Variants in ADAD1 observed in about 807,000 individuals in gnomAD.
ADAD1 encodes adenosine deaminase domain containing 1.
In ADAD1, 46 loss-of-function variants were observed where a neutral mutation model predicts 66.8. The observed-to-expected ratio is 0.69, with a 90% CI of 0.54 to 0.88. The LOEUF is 0.88. Ranked by LOEUF, ADAD1 falls within the 40% of genes least tolerant of loss-of-function variation. The pLI is 0.00. For synonymous variants in ADAD1, 248 were observed against 229.4 expected, an observed-to-expected ratio of 1.08 and a Z score of -0.73; for missense variants, 617 against 681.8, an observed-to-expected ratio of 0.91 and a Z score of 1.06.
intron 11 of ADAD1, among the ~76,000 whole-genome samples, chr4:122,416,398 T>C (rs999340336): frequency 6.6e-6 from 1 of 152,220 alleles, no homozygotes; most frequent in African/African-American, 2.4e-5. Context: ...AAAATTGCTT[T>C]CTTTGTGAAG....
chr4:122,418,242 T>C (rs987326377), intron 11 of ADAD1, among the ~76,000 whole-genome samples: 4 of 151,682 alleles, frequency 2.6e-5, no homozygotes, highest in African/African-American at 4.8e-5. Context: ...AATGGATAAA[T>C]TTCTAGGAAA....
intron 10 of ADAD1, among the ~76,000 whole-genome samples, chr4:122,413,067 A>C (rs918361460): frequency 6.6e-6 from 1 of 152,116 alleles, no homozygotes; most frequent in Non-Finnish European, 1.5e-5. Context: ...TGGATAAGGA[A>C]ATTCCAGAGA....
chr4:122,417,936 T>C (rs544016090), intron 11 of ADAD1, among the ~76,000 whole-genome samples: 1 of 152,088 alleles, frequency 6.6e-6, no homozygotes, highest in South Asian at 2.1e-4. Context: ...ATTTAGAAAA[T>C]AGGGATATTG....
At position 122,396,259 on chromosome 4, in the gene ADAD1, A is replaced by G; in HGVS notation, c.606A>G (p.Arg202=). 1.3e-6 allele frequency: 2 copies of G among 1,585,454 alleles called. No individual in the cohort carries two copies. Among genetic ancestry groups the G allele is most frequent in the Non-Finnish European group, 1.7e-6 (2 of 1,168,618 alleles). Residue 202 remains arginine (R), a synonymous_variant, in exon 7 of 13, where the codon AGA becomes AGG. Transcript: ENST00000296513. ...GTTTTGATTTTTTTCTAGAAGGGAGACATATTCAATATGCAAAGATTTCAC... is the reference window on the plus strand; with the variant it reads ...GTTTTGATTTTTTTCTAGAAGGGAGGCATATTCAATATGCAAAGATTTCAC... ...AYVSKVHYEG[R]HIQYAKISQI...
chr4:122,391,041 G>A (rs997811903), intron 5 of ADAD1, among the ~76,000 whole-genome samples: 11 of 152,164 alleles, frequency 7.2e-5, no homozygotes, highest in African/African-American at 2.4e-4. Flanking sequence ...TAGGGTTTTT[G>A]TGGGGAGCTT....
chr4:122,380,419 C>G (rs560917776), intron 3 of ADAD1, 178 bp downstream of exon 3: 3 of 689,098 alleles, frequency 4.4e-6, no homozygotes, highest in African/African-American at 3.6e-5. Context: ...AGCTCTTTAC[C>G]TGTGCCGCTC....
At chr4:122,408,110 A>G in intron 8 of ADAD1, 79 bp downstream of exon 8, 2 of 1,420,630 alleles carry the variant, frequency 1.4e-6, no homozygotes, top group Non-Finnish European at 1.9e-6. Context: ...GTCTTCATTT[A>G]CAAATGGAAT....
At chr4:122,402,967 C>A (rs916833361) in intron 7 of ADAD1, among the ~76,000 whole-genome samples, 2 of 152,146 alleles carry the variant, frequency 1.3e-5, no homozygotes, top group Admixed American at 1.3e-4. Context: ...GCTTAATAAT[C>A]TTCTGAATTC....
At chr4:122,391,865 A>G (rs996671617) in intron 5 of ADAD1, among the ~76,000 whole-genome samples, 4 of 152,234 alleles carry the variant, frequency 2.6e-5, no homozygotes, top group Middle Eastern at 3.4e-3. Context: ...GCGCGCCACC[A>G]TGCCCAGCTG....
intron 4 of ADAD1, among the ~76,000 whole-genome samples, 191 bp from the exon 5 acceptor site, chr4:122,383,608 C>T (rs1313752000): frequency 6.6e-6 from 1 of 152,128 alleles, no homozygotes; most frequent in African/African-American, 2.4e-5. Context: ...TGCTTGAATC[C>T]TCAGAGTTAG....
intron 8 of ADAD1, among the ~76,000 whole-genome samples, chr4:122,408,366 T>A (rs1489546843): frequency 3.3e-5 from 5 of 152,274 alleles, no homozygotes; most frequent in Admixed American, 2.0e-4. Flanking sequence ...ACCTCTGGCT[T>A]CCAGGTCCAA....
At chr4:122,391,141 G>T (rs189197007) in intron 5 of ADAD1, among the ~76,000 whole-genome samples, 1 of 152,120 alleles carries the variant, frequency 6.6e-6, no homozygotes, top group South Asian at 2.1e-4. Context: ...GCTGCAGTCT[G>T]TTGGGGTTCA....
chr4:122,425,002 A>G (rs145468644), intron 12 of ADAD1, among the ~76,000 whole-genome samples: 233 of 152,230 alleles, frequency 1.5e-3, no homozygotes, highest in African/African-American at 5.2e-3. Flanking sequence ...AAAAAGGTCA[A>G]TACATCAGAA....
At chr4:122,420,967 C>T (rs929587332) in intron 11 of ADAD1, among the ~76,000 whole-genome samples, 2 of 152,096 alleles carry the variant, frequency 1.3e-5, no homozygotes, top group African/African-American at 4.8e-5. Context: ...CCTCATAGAA[C>T]TGCTGTTTAA....
intron 4 of ADAD1, 138 bp downstream of exon 4, chr4:122,381,318 G>T (rs761840840): frequency 1.1e-6 from 1 of 883,340 alleles, no homozygotes; most frequent in Non-Finnish European, 1.6e-6. Context: ...AAATGTTTAT[G>T]TTCACACTTC....
intron 11 of ADAD1, among the ~76,000 whole-genome samples, chr4:122,417,637 C>T (rs1003040122): frequency 3.3e-5 from 5 of 152,168 alleles, no homozygotes; most frequent in Middle Eastern, 3.4e-3. Flanking sequence ...AAGATATAGC[C>T]GTTTTAAATA....
At chr4:122,418,293 TAAACG>T (rs1252115867) in intron 11 of ADAD1, among the ~76,000 whole-genome samples, 2 of 147,228 alleles carry the variant, frequency 1.4e-5, no homozygotes, top group East Asian at 4.1e-4. Flanking sequence ...AGGAAAAATA[TAAACG>T]TTATTTTCTT....
chr4:122,379,987 T>G (rs1035024684), intron 2 of ADAD1, 75 bp from the exon 3 acceptor site: 1 of 1,369,742 alleles, frequency 7.3e-7, no homozygotes, highest in Non-Finnish European at 9.8e-7. Flanking sequence ...AATGGGGGGG[T>G]GGGGTTTGGA....
At chr4:122,410,054 C>T (rs552842758) in intron 8 of ADAD1, among the ~76,000 whole-genome samples, 8 of 152,278 alleles carry the variant, frequency 5.3e-5, no homozygotes, top group Non-Finnish European at 1.5e-5. Context: ...CAGTTATTAG[C>T]ATTCTACTGT....
Sources: gnomAD v4.1 joint callset for allele counts (sites outside exome capture counted in the v4.1 genomes callset) on GRCh38, gnomAD v4.1.1 for gene constraint, MANE v1.5 for transcripts, NCBI Gene and HGNC (gene_info 2026-07-23, HGNC 2026-07-21) for gene names.